ATXN8OS: variants seen among roughly 807,000 people sequenced by gnomAD.
ATXN8OS encodes the protein ATXN8 opposite strand (non-protein coding).
chr13:70,154,878 A>G (rs1333515133), intron 4 of ATXN8OS, among the ~76,000 whole-genome samples: 1 of 152,224 alleles, frequency 6.6e-6, no homozygotes, highest in Non-Finnish European at 1.5e-5. Context: ...GTTATAGGAT[A>G]AGCCGGTGCC....
chr13:70,118,098 G>T (rs1187223248), intron 2 of ATXN8OS, among the ~76,000 whole-genome samples: 1 of 151,990 alleles, frequency 6.6e-6, no homozygotes, highest in Non-Finnish European at 1.5e-5. Flanking sequence ...CTGCATATTA[G>T]GGATATTCTA....
chr13:70,110,263 A>C (rs1182013672), intron 1 of ATXN8OS, among the ~76,000 whole-genome samples: 1 of 152,120 alleles, frequency 6.6e-6, no homozygotes, highest in Non-Finnish European at 1.5e-5. Flanking sequence ...CCAATTATGT[A>C]AATATAGGTA....
intron 4 of ATXN8OS, among the ~76,000 whole-genome samples, chr13:70,163,320 C>A (rs1279283660): frequency 6.6e-6 from 1 of 151,982 alleles, no homozygotes; most frequent in Non-Finnish European, 1.5e-5. Flanking sequence ...AAGATTCTAA[C>A]CACATTGGCT....
At chr13:70,162,380 G>A (rs868282064) in intron 4 of ATXN8OS, among the ~76,000 whole-genome samples, 1 of 152,088 alleles carries the variant, frequency 6.6e-6, no homozygotes, top group African/African-American at 2.4e-5. Flanking sequence ...CCCCCTAGAG[G>A]GATACAGGCA....
At chr13:70,125,931 G>C (rs73214670) in intron 2 of ATXN8OS, among the ~76,000 whole-genome samples, 2,330 of 152,082 alleles carry the variant, frequency 0.015, 21 homozygotes, top group Non-Finnish European at 0.026. Context: ...GAGGGACAGG[G>C]GTACAAATAT....
chr13:70,125,391 T>C (rs1017234956), intron 2 of ATXN8OS, among the ~76,000 whole-genome samples: 1 of 152,150 alleles, frequency 6.6e-6, no homozygotes, highest in African/African-American at 2.4e-5. Context: ...GTGCATCCAA[T>C]GAATAAGAGA....
At chr13:70,157,099 C>T (rs1289256620) in intron 4 of ATXN8OS, among the ~76,000 whole-genome samples, 7 of 149,138 alleles carry the variant, frequency 4.7e-5, no homozygotes, top group African/African-American at 1.8e-4. Flanking sequence ...ATGAATTGTT[C>T]TACCTTCCTA....
chr13:70,111,622 A>G (rs1387503170), intron 1 of ATXN8OS, among the ~76,000 whole-genome samples: 3 of 152,210 alleles, frequency 2.0e-5, no homozygotes. Flanking sequence ...TTCAACATGA[A>G]TTTTGGAGGG....
At chr13:70,113,444 T>A (rs924087379) in intron 1 of ATXN8OS, among the ~76,000 whole-genome samples, 2 of 152,242 alleles carry the variant, frequency 1.3e-5, no homozygotes, top group African/African-American at 4.8e-5. Context: ...CTAATACTTA[T>A]TTACAAAGGG....
At position 70,107,841 on chromosome 13, in the gene ATXN8OS, G is replaced by T. The variant is rs534215165; in HGVS notation, n.62G>T. 177 of 638,510 alleles carry T rather than the reference G, an allele frequency of 2.8e-4. 1 individual carries two copies. The East Asian group carries it at 4.4e-3, about 16-fold the overall frequency. 39.6% of individuals were successfully genotyped at this position (638,510 alleles called of 1,614,324 possible). On this transcript the variant is annotated non_coding_transcript_exon_variant, in exon 1 of 5. Coordinates refer to ENST00000678624, the Ensembl canonical transcript of ATXN8OS. ...CCCTAGAGCCAGAAGACGCTAGGTGGGCTGCGCGCTCTGCCAGGCGAAGGC... is the reference window on the plus strand; with the variant it reads ...CCCTAGAGCCAGAAGACGCTAGGTGTGCTGCGCGCTCTGCCAGGCGAAGGC...
intron 2 of ATXN8OS, among the ~76,000 whole-genome samples, chr13:70,127,598 G>A (rs1366335056): frequency 6.6e-6 from 1 of 151,828 alleles, no homozygotes; most frequent in Admixed American, 6.6e-5. Context: ...GAAGAAAAAA[G>A]CCATGATGCT....
At chr13:70,156,463 T>G (rs1888937444) in intron 4 of ATXN8OS, among the ~76,000 whole-genome samples, 1 of 152,132 alleles carries the variant, frequency 6.6e-6, no homozygotes, top group East Asian at 1.9e-4. Context: ...AGATTAAAAC[T>G]ATAAGAAATA....
intron 4 of ATXN8OS, among the ~76,000 whole-genome samples, chr13:70,147,969 T>C (rs1478064473): frequency 6.6e-6 from 1 of 152,176 alleles, no homozygotes; most frequent in East Asian, 1.9e-4. Flanking sequence ...TTCCAGGTCA[T>C]AGATGGATTC....
At chr13:70,156,479 A>G (rs680240) in intron 4 of ATXN8OS, among the ~76,000 whole-genome samples, 121,607 of 151,468 alleles carry the variant, frequency 0.8, 49,186 homozygotes, top group Middle Eastern at 0.88. Context: ...AAATAATATT[A>G]TATTTTATGA....
intron 3 of ATXN8OS, chr13:70,131,278 T>C (rs1360170933): frequency 1.3e-5 from 5 of 398,358 alleles, no homozygotes; most frequent in Non-Finnish European, 2.2e-5. Flanking sequence ...TCCTAGTCTA[T>C]GCTATGAACA....
chr13:70,152,640 CAATA>C (rs1449248687), intron 4 of ATXN8OS, among the ~76,000 whole-genome samples: 1 of 151,812 alleles, frequency 6.6e-6, no homozygotes, highest in Non-Finnish European at 1.5e-5. Flanking sequence ...AGGAGATGAT[CAATA>C]AATGTCTTAT....
chr13:70,146,810 T>C (rs1258434029), intron 3 of ATXN8OS, among the ~76,000 whole-genome samples: 3 of 152,036 alleles, frequency 2.0e-5, no homozygotes, highest in Non-Finnish European at 4.4e-5. Context: ...ATATACCTAA[T>C]GCTAAATGAC....
chr13:70,140,519 A>AAC (rs1555300642), intron 3 of ATXN8OS, among the ~76,000 whole-genome samples: 1,696 of 100,730 alleles, frequency 0.017, 41 homozygotes, highest in African/African-American at 0.042. Flanking sequence ...TGCTTACCAT[A>AAC]ACACACACAC....
intron 4 of ATXN8OS, among the ~76,000 whole-genome samples, chr13:70,166,296 T>G (rs980488359): frequency 1.3e-4 from 20 of 152,048 alleles, no homozygotes; most frequent in African/African-American, 3.9e-4. Context: ...CAAAACAGCA[T>G]GGTACTGGTA....
Sources: allele counts gnomAD v4.1 joint callset (sites outside exome capture counted in the v4.1 genomes callset), GRCh38; gene constraint gnomAD v4.1.1; transcripts MANE v1.5; gene names NCBI Gene and HGNC (gene_info 2026-07-23, HGNC 2026-07-21).